The following RHD variants were observed in gnomAD, a reference collection of about 807,000 sequenced individuals.
The protein encoded by RHD is Rh blood group D antigen.
In RHD, 16 loss-of-function variants were observed where a neutral mutation model predicts 45.5. The observed-to-expected ratio is 0.35, with a 90% confidence interval of 0.24 to 0.53. The LOEUF (loss-of-function observed/expected upper bound fraction) is 0.53. RHD is among the 20% of genes least tolerant of loss of function. The pLI is 0.92. For missense variants in RHD, 306 were observed against 532.0 expected (o/e 0.58, Z 4.18); for synonymous variants, 131 against 217.5 (o/e 0.60, Z 3.50).
In RHD at chr1:25,288,624, T is replaced by A. The variant is rs1228075513; in HGVS notation, c.336-2017T>A. Among the ~76,000 whole-genome samples the A allele has an allele frequency of 3.1e-5, 4 of 127,336 alleles. 1 individual carries two copies. Among genetic ancestry groups the A allele is most frequent in the Admixed American group, 3.1e-4 (4 of 12,962 alleles). 83.5% of individuals were successfully genotyped at this position (127,336 alleles called of 152,430 possible). ...GGCTCCAGAGGCATTGGGTCCACCT[T>A]ATAAATGGAGGCACCAAGGCACAGA... On this transcript the variant is annotated intron_variant, in intron 2 of 9. Coordinates refer to ENST00000328664, the MANE Select transcript of RHD (RefSeq NM_016124.6).
At chr1:25,277,060 C>A (rs1339757494) in intron 1 of RHD, among the ~76,000 whole-genome samples, 1 of 131,724 alleles carries the variant, frequency 7.6e-6, no homozygotes, top group African/African-American at 2.6e-5. Context: ...GAGCGAGACT[C>A]CGTCTAAAAA....
At chr1:25,315,598 G>A (rs28505383) in intron 7 of RHD, among the ~76,000 whole-genome samples, 17 of 124,574 alleles carry the variant, frequency 1.4e-4, no homozygotes, top group Non-Finnish European at 1.7e-4. Context: ...CCAGGTTCAC[G>A]CCGTTCTCCT....
chr1:25,294,272 G>C lies in RHD; in HGVS notation c.486+3481G>C. 1.8e-6 allele frequency: 2 copies of C among 1,123,148 alleles called. 1 individual carries two copies. Among genetic ancestry groups the C allele is most frequent in the Non-Finnish European group, 2.7e-6 (2 of 748,264 alleles). 69.6% of individuals were successfully genotyped at this position (1,123,148 alleles called of 1,614,324 possible). A position where few individuals can be genotyped will look rare whatever the true frequency, so the allele number is the denominator to read the frequency against. ...CTGAAAATGCCAAAAGCCCTGCCTT[G>C]GCAGCTTTCTGCGAGGCATCCCCAT... On this transcript the variant is annotated intron_variant, in intron 3 of 9. Transcript: ENST00000328664.
rs746498767 is a variant in RHD, at chr1:25,300,943, C to G, written c.487-3C>G. 4.4e-6 allele frequency: 6 copies of G among 1,377,894 alleles called. 1 individual carries two copies. In the Admixed American group the frequency reaches 1.1e-4, roughly 24 times the overall value. The allele number at this position is 1,377,894 out of a possible 1,614,324, so 85.4% of individuals were successfully genotyped here. ...TCACTGCTCTTACTGGGTTTTATTG[C>G]AGACAGACTACCACATGAACATGAT... is the stretch of plus-strand genomic sequence containing the variant. On this transcript the variant is annotated splice_polypyrimidine_tract_variant and splice_region_variant and intron_variant, in intron 3 of 9. Coordinates refer to ENST00000328664, the MANE Select transcript of RHD (RefSeq NM_016124.6).
chr1:25,283,535 T>TAA (rs143319928), intron 1 of RHD, among the ~76,000 whole-genome samples: 1 of 109,230 alleles, frequency 9.2e-6, no homozygotes. Context: ...ATCTCGATAT[T>TAA]AAAAAAAAAA....
chr1:25,311,391 G>C (rs1429128674), intron 7 of RHD, among the ~76,000 whole-genome samples: 1 of 131,056 alleles, frequency 7.6e-6, no homozygotes, highest in African/African-American at 2.6e-5. Context: ...CAGGCGTGGT[G>C]GTGGGCGCCT....
rs756771686 is a variant in RHD, at chr1:25,328,850, C to CAGT, written c.1228-46_1228-44dup. 133 of 934,198 alleles carry CAGT rather than the reference C, an allele frequency of 1.4e-4. 17 individuals are homozygous for CAGT. In the African/African-American group the frequency reaches 2.1e-3, roughly 15 times the overall value. The allele number at this position is 934,198 out of a possible 1,614,324, so 57.9% of individuals were successfully genotyped here. A position where few individuals can be genotyped will look rare whatever the true frequency, so the allele number is the denominator to read the frequency against. On this transcript the variant is annotated intron_variant, in intron 9 of 9. Coordinates refer to ENST00000328664, the MANE Select transcript of RHD (RefSeq NM_016124.6). ...CTGTTTCAAGAGATCAAGCCAAAAT[C>CAGT]AGTATGTGGGTTCATCTGCAATAAA... is the stretch of plus-strand genomic sequence containing the variant.
In RHD at chr1:25,300,128, C is replaced by T. The variant is rs564239058; in HGVS notation, c.487-818C>T. Reference sequence around the variant, plus strand: ...CAAAATTTATATCACTCATCACTCCCGCAGAGTTAAAATTCCGCTGAGAAG... The same window carrying T: ...CAAAATTTATATCACTCATCACTCCTGCAGAGTTAAAATTCCGCTGAGAAG... On this transcript the variant is annotated intron_variant, in intron 3 of 9. Transcript: ENST00000328664. Among the ~76,000 whole-genome samples the T allele has an allele frequency of 1.2e-4, 16 of 131,176 alleles. 3 individuals are homozygous for T. The highest frequency in any genetic ancestry group is 2.2e-4 in the Admixed American group (3 of 13,460). 86.1% of individuals were successfully genotyped at this position (131,176 alleles called of 152,430 possible).
intron 3 of RHD, among the ~76,000 whole-genome samples, chr1:25,291,161 T>TAGACAGACAGACAGAC (rs377224052): frequency 1.5e-4 from 18 of 124,000 alleles, no homozygotes; most frequent in African/African-American, 5.3e-4. Context: ...GATAGATAGA[T>TAGACAGACAGACAGAC]AGACAGACAG....
chr1:25,289,950 T>C (rs1212632560), intron 2 of RHD, among the ~76,000 whole-genome samples: 1 of 130,086 alleles, frequency 7.7e-6, no homozygotes, highest in Admixed American at 7.4e-5. Flanking sequence ...TTTTCAGAAG[T>C]TGGTTCTTTG....
chr1:25,296,010 A>G (rs1571647335), intron 3 of RHD, among the ~76,000 whole-genome samples: 1 of 117,794 alleles, frequency 8.5e-6, no homozygotes. Flanking sequence ...TTACAGGCAC[A>G]CACCACCACG....
rs372627176 is a variant in RHD at position 25,290,744 on chromosome 1, G to A, written c.439G>A (p.Val147Met). ...GTTGGTGGTGATGGTGCTGGTGGAG[G>A]TGACAGCTTTAGGCAACCTGAGGAT... Reference protein sequence around the residue: ...AQLVVMVLVEVTALGNLRMVI... With the variant: ...AQLVVMVLVEMTALGNLRMVI... The change falls in exon 3 of 10, where the codon GTG becomes ATG. Residue 147 changes from valine (V) to methionine (M), a missense_variant. Val to Met is a conservative substitution (Grantham distance 21). Coordinates refer to ENST00000328664, the MANE Select transcript of RHD (RefSeq NM_016124.6). The A allele has an allele frequency of 5.8e-6, 8 of 1,377,866 alleles. 1 individual carries two copies. The highest frequency in any genetic ancestry group is 1.2e-5 in the South Asian group (1 of 84,682). 85.4% of individuals were successfully genotyped at this position (1,377,866 alleles called of 1,614,324 possible).
Position 25,306,503 on chromosome 1 carries a change from T to A in RHD, c.940-93T>A, listed in dbSNP as rs1488270679. 3.4e-6 allele frequency: 4 copies of A among 1,192,186 alleles called. No homozygotes were observed. In the African/African-American group the frequency reaches 5.9e-5, roughly 18 times the overall value. The allele number at this position is 1,192,186 out of a possible 1,614,324, so 73.9% of individuals were successfully genotyped here. ...GGTGAGCCTTAGTGCCCATCCCCCT[T>A]TGGTGGCCCCGGATACCAAGGGTGT... On this transcript the variant is annotated intron_variant, in intron 6 of 9. Transcript: ENST00000328664.
chr1:25,296,961 A>G (rs1303421447), intron 3 of RHD, among the ~76,000 whole-genome samples: 1 of 131,634 alleles, frequency 7.6e-6, no homozygotes, highest in Non-Finnish European at 1.8e-5. Context: ...ATTCTCTTAC[A>G]TAACCTTTTT....
chr1:25,306,780 G>T (rs1260970517), intron 7 of RHD, 51 bp downstream of exon 7: 2 of 1,353,084 alleles, frequency 1.5e-6, no homozygotes, highest in Middle Eastern at 1.8e-4. Context: ...CTCCAACTCA[G>T]GAAGAAATGT....
At chr1:25,281,388 A>C (rs1227864652) in intron 1 of RHD, among the ~76,000 whole-genome samples, 1 of 131,728 alleles carries the variant, frequency 7.6e-6, no homozygotes, top group Non-Finnish European at 1.8e-5. Flanking sequence ...GGAAAATGGA[A>C]GAATTGCTCT....
chr1:25,320,551 G>A (rs186503999), intron 8 of RHD, among the ~76,000 whole-genome samples: 1 of 131,826 alleles, frequency 7.6e-6, no homozygotes, highest in Non-Finnish European at 1.8e-5. Flanking sequence ...AGGGAAATAC[G>A]AATCTCACTA....
At chr1:25,276,713 C>CA (rs1164630090) in intron 1 of RHD, among the ~76,000 whole-genome samples, 4 of 125,746 alleles carry the variant, frequency 3.2e-5, no homozygotes, top group Non-Finnish European at 3.7e-5. Context: ...GACCCTGTCT[C>CA]AAAAAAAATA....
chr1:25,306,970 C>T (rs1282165146), intron 7 of RHD: 1 of 460,636 alleles, frequency 2.2e-6, no homozygotes, highest in South Asian at 1.8e-5. Context: ...ACCAAAGACA[C>T]GAAATCTTTT....
Sources: allele counts gnomAD v4.1 joint callset (sites outside exome capture counted in the v4.1 genomes callset), GRCh38; gene constraint gnomAD v4.1.1; transcripts MANE v1.5; gene names NCBI Gene and HGNC (gene_info 2026-07-23, HGNC 2026-07-21).